DSCAML1: variants seen among roughly 807,000 people sequenced by gnomAD.
DSCAML1 encodes the protein cell adhesion molecule DSCAML1.
DSCAML1 carries 38 observed loss-of-function variants against 200.5 expected under a neutral mutation model. The observed-to-expected ratio is 0.19, with a 90% CI of 0.15 to 0.25. The LOEUF (loss-of-function observed/expected upper bound fraction) is 0.25. DSCAML1 is among the 10% of genes least tolerant of loss of function. DSCAML1 has a pLI of 1.00. For missense variants in DSCAML1, 2,223 were observed against 2,858.8 expected, an observed-to-expected ratio of 0.78 and a Z score of 5.07; for synonymous variants, 1,215 against 1,165.0, an observed-to-expected ratio of 1.04 and a Z score of -0.87.
chr11:117,692,280 C>T (rs1449927232), intron 3 of DSCAML1, among the ~76,000 whole-genome samples: 1 of 152,076 alleles, frequency 6.6e-6, no homozygotes, highest in African/African-American at 2.4e-5. Flanking sequence ...CTCCTTCTTG[C>T]TTACTGTGAC....
In DSCAML1 at chr11:117,440,251, CG is replaced by C. The variant is rs1174885803; in HGVS notation, c.3863-316del. Among the ~76,000 whole-genome samples, 8 of 152,222 alleles carry C rather than the reference CG, an allele frequency of 5.3e-5. No homozygotes were observed. The East Asian group carries it at 1.5e-3, about 29-fold the overall frequency. ...ACAGATACTTAAGGAAAAATTATAA[CG>C]GGGCAAAATGCTATGGTAGGTGCAG... On this transcript the variant is annotated intron_variant, in intron 21 of 32. Transcript: ENST00000651296.
chr11:117,450,463 A>G, intron 20 of DSCAML1, 86 bp downstream of exon 20: 4 of 1,526,078 alleles, frequency 2.6e-6, no homozygotes, highest in Non-Finnish European at 3.5e-6. Context: ...AGGCAGCCTC[A>G]GGGTTTGGCC....
At chr11:117,477,951 G>A (rs901775647) in intron 14 of DSCAML1, among the ~76,000 whole-genome samples, 2 of 152,216 alleles carry the variant, frequency 1.3e-5, no homozygotes, top group African/African-American at 4.8e-5. Context: ...AGCCCTTGTG[G>A]TAGGCAGAGA....
intron 3 of DSCAML1, among the ~76,000 whole-genome samples, chr11:117,599,512 A>C (rs1367325261): frequency 1.3e-5 from 2 of 152,160 alleles, no homozygotes; most frequent in Non-Finnish European, 2.9e-5. Context: ...CAGAATTGTA[A>C]ATGGGTGAAA....
At chr11:117,683,636 G>A (rs918426338) in intron 3 of DSCAML1, among the ~76,000 whole-genome samples, 1 of 152,164 alleles carries the variant, frequency 6.6e-6, no homozygotes, top group Non-Finnish European at 1.5e-5. Context: ...CAGAGGGGTC[G>A]AGCTTGTAGC....
chr11:117,431,137 G>C (rs2047782668), intron 31 of DSCAML1, 104 bp from the exon 32 acceptor site: 18 of 1,120,688 alleles, frequency 1.6e-5, no homozygotes, highest in Non-Finnish European at 2.3e-5. Context: ...CTGTAAGTCT[G>C]GCCATGGAGG....
Position 117,476,808 on chromosome 11 carries a change from T to C in DSCAML1, c.2785+3635A>G, listed in dbSNP as rs117723797. Among the ~76,000 whole-genome samples the C allele has an allele frequency of 2.7e-3, 408 of 152,254 alleles. 3 individuals are homozygous for C. Among genetic ancestry groups the C allele is most frequent in the Non-Finnish European group, 5.0e-3 (337 of 68,012 alleles). ...GACTCAGTAATTTCTCTTGGAAAAT[T>C]AGCATGATGAGCAACATGGCAGAAA... On this transcript the variant is annotated intron_variant, in intron 14 of 32. Transcript: ENST00000651296.
At chr11:117,776,721 G>A in intron 3 of DSCAML1, 70 bp downstream of exon 3, 2 of 1,570,702 alleles carry the variant, frequency 1.3e-6, no homozygotes, top group Admixed American at 3.4e-5. Context: ...ACCAGCTCAG[G>A]CATCTCTACT....
intron 3 of DSCAML1, among the ~76,000 whole-genome samples, chr11:117,548,950 C>T (rs551170131): frequency 1.8e-4 from 27 of 152,158 alleles, no homozygotes; most frequent in African/African-American, 6.5e-4. Context: ...GGTGCTTATA[C>T]ACAGACAAGG....
At chr11:117,740,933 GC>G (rs1228708236) in intron 3 of DSCAML1, among the ~76,000 whole-genome samples, 1 of 152,242 alleles carries the variant, frequency 6.6e-6, no homozygotes, top group Non-Finnish European at 1.5e-5. Context: ...GCAGCTCCCA[GC>G]CAGCCAGGCC....
intron 3 of DSCAML1, among the ~76,000 whole-genome samples, chr11:117,623,252 GTCAC>G (rs2051976368): frequency 9.0e-6 from 1 of 110,588 alleles, no homozygotes; most frequent in Admixed American, 1.3e-4. Flanking sequence ...GTTTTGCTCT[GTCAC>G]TCAGGCTGGG....
intron 3 of DSCAML1, among the ~76,000 whole-genome samples, chr11:117,613,118 A>T (rs933224332): frequency 6.6e-6 from 1 of 151,122 alleles, no homozygotes; most frequent in African/African-American, 2.5e-5. Flanking sequence ...TGCTCCCCCC[A>T]CCCCACCTTC....
intron 3 of DSCAML1, among the ~76,000 whole-genome samples, chr11:117,689,178 G>A (rs115290673): frequency 1.4e-3 from 212 of 152,344 alleles, no homozygotes; most frequent in African/African-American, 4.8e-3. Flanking sequence ...GGAATTTGTA[G>A]ACAGAGACAA....
At chr11:117,603,837 A>G (rs2051511898) in intron 3 of DSCAML1, among the ~76,000 whole-genome samples, 1 of 152,232 alleles carries the variant, frequency 6.6e-6, no homozygotes, top group South Asian at 2.1e-4. Context: ...TATTTGTATG[A>G]GGGTCAAATA....
rs529038519 is a variant in DSCAML1 at position 117,529,152 on chromosome 11, C to T, written c.658+3224G>A. Among the ~76,000 whole-genome samples the T allele has an allele frequency of 1.3e-4, 20 of 152,246 alleles. No homozygotes were observed. In the East Asian group the frequency reaches 1.5e-3, roughly 12 times the overall value. On this transcript the variant is annotated intron_variant, in intron 4 of 32. Coordinates refer to ENST00000651296, the MANE Select transcript of DSCAML1 (RefSeq NM_020693.4). ...GTGGCATGATCTCGCGTTCTCGGTTCACTGCAACCTCTGCCTCCCTGGTTC... is the reference window on the plus strand; with the variant it reads ...GTGGCATGATCTCGCGTTCTCGGTTTACTGCAACCTCTGCCTCCCTGGTTC...
At chr11:117,537,351 A>C (rs1383745750) in intron 3 of DSCAML1, among the ~76,000 whole-genome samples, 1 of 152,138 alleles carries the variant, frequency 6.6e-6, no homozygotes, top group Admixed American at 6.5e-5. Context: ...ATATCCTTCC[A>C]CCATGGAAGG....
At chr11:117,499,774 T>C (rs2049361048) in intron 11 of DSCAML1, among the ~76,000 whole-genome samples, 1 of 152,182 alleles carries the variant, frequency 6.6e-6, no homozygotes, top group African/African-American at 2.4e-5. Flanking sequence ...CACTTGGGCC[T>C]GGTTGGTTGC....
intron 3 of DSCAML1, among the ~76,000 whole-genome samples, chr11:117,535,396 G>A (rs11216440): frequency 0.33 from 50,921 of 152,052 alleles, 9,086 homozygotes; most frequent in South Asian, 0.56. Context: ...CAGCCTGCCC[G>A]TCTTCTGGAA....
chr11:117,643,663 C>T (rs11216479), intron 3 of DSCAML1, among the ~76,000 whole-genome samples: 24,352 of 152,042 alleles, frequency 0.16, 2,040 homozygotes, highest in African/African-American at 0.19. Flanking sequence ...CGCACCAGCC[C>T]AGACCCTCAT....
Sources: gnomAD v4.1 joint callset for allele counts (sites outside exome capture counted in the v4.1 genomes callset) on GRCh38, gnomAD v4.1.1 for gene constraint, MANE v1.5 for transcripts, NCBI Gene and HGNC (gene_info 2026-07-23, HGNC 2026-07-21) for gene names.